Variants in SMAP1 observed in about 807,000 individuals in gnomAD.
The protein encoded by SMAP1 is stromal membrane-associated protein 1.
In SMAP1, 24 loss-of-function variants were observed where a neutral mutation model predicts 58.5. The observed-to-expected ratio is 0.41, with a 90% CI of 0.30 to 0.58. The LOEUF (loss-of-function observed/expected upper bound fraction) is 0.58, where lower values mean the gene tolerates loss of function less well. Among genes scored for constraint, SMAP1 ranks in the 20% least tolerant of loss-of-function variants. SMAP1 has a pLI of 0.29. For missense variants in SMAP1, 563 were observed against 566.3 expected (o/e 0.99, Z 0.06); for synonymous variants, 216 against 196.6 (o/e 1.10, Z -0.82).
chr6:70,689,861 T>C (rs1767085575), intron 1 of SMAP1, among the ~76,000 whole-genome samples: 1 of 152,196 alleles, frequency 6.6e-6, no homozygotes, highest in Non-Finnish European at 1.5e-5. Flanking sequence ...AATTTCTGAT[T>C]ATTACTAGTA....
chr6:70,697,358 T>C (rs1180709493), intron 1 of SMAP1, among the ~76,000 whole-genome samples: 3 of 151,562 alleles, frequency 2.0e-5, no homozygotes, highest in African/African-American at 7.3e-5. Flanking sequence ...GGGGCTGGAG[T>C]GCAGTGGTGC....
chr6:70,818,966 A>G (rs968968359), intron 6 of SMAP1, among the ~76,000 whole-genome samples: 2 of 152,138 alleles, frequency 1.3e-5, no homozygotes, highest in Non-Finnish European at 2.9e-5. Flanking sequence ...CACCGCTGTC[A>G]GTTTTAGAAC....
intron 1 of SMAP1, among the ~76,000 whole-genome samples, chr6:70,692,885 G>A (rs548652475): frequency 1.1e-4 from 16 of 152,254 alleles, no homozygotes; most frequent in African/African-American, 2.6e-4. Flanking sequence ...CCAGGTTCAC[G>A]CTGTTCTCCT....
chr6:70,717,111 C>T (rs1768306853), intron 1 of SMAP1, among the ~76,000 whole-genome samples: 1 of 152,128 alleles, frequency 6.6e-6, no homozygotes, highest in African/African-American at 2.4e-5. Context: ...TAGGGTGTGC[C>T]AAGTTCTGCC....
intron 3 of SMAP1, among the ~76,000 whole-genome samples, chr6:70,767,147 T>C (rs1419318694): frequency 6.6e-6 from 1 of 152,168 alleles, no homozygotes; most frequent in Non-Finnish European, 1.5e-5. Context: ...TTGGTTACTG[T>C]AGCCTTGTAG....
intron 6 of SMAP1, among the ~76,000 whole-genome samples, chr6:70,821,693 G>A (rs1358518385): frequency 6.6e-6 from 1 of 152,086 alleles, no homozygotes; most frequent in Non-Finnish European, 1.5e-5. Flanking sequence ...TTACTTAACA[G>A]AAAGCAATAG....
intron 6 of SMAP1, among the ~76,000 whole-genome samples, chr6:70,826,934 C>CAAAAAAAAAAAAAAAAAAA (rs61069311): frequency 5.2e-5 from 4 of 76,612 alleles, no homozygotes; most frequent in African/African-American, 2.2e-4. Flanking sequence ...AACCGTGTCT[C>CAAAAAAAAAAAAAAAAAAA]AAAAAAAAAA....
chr6:70,800,095 G>A (rs1768780262), intron 6 of SMAP1, among the ~76,000 whole-genome samples: 1 of 151,772 alleles, frequency 6.6e-6, no homozygotes, highest in African/African-American at 2.4e-5. Flanking sequence ...AATAATACAT[G>A]TGAAAATAAG....
At chr6:70,822,466 A>T (rs1471948386) in intron 6 of SMAP1, among the ~76,000 whole-genome samples, 2 of 152,158 alleles carry the variant, frequency 1.3e-5, no homozygotes, top group Admixed American at 6.5e-5. Flanking sequence ...CTGCCTTCAG[A>T]ATATGTATCC....
intron 1 of SMAP1, among the ~76,000 whole-genome samples, chr6:70,682,067 A>C (rs1766732912): frequency 6.6e-6 from 1 of 152,006 alleles, no homozygotes; most frequent in Non-Finnish European, 1.5e-5. Context: ...GTGAGAGAGT[A>C]AGATGGGTCT....
chr6:70,769,332 T>C (rs1207133811), intron 3 of SMAP1, among the ~76,000 whole-genome samples: 1 of 152,208 alleles, frequency 6.6e-6, no homozygotes, highest in Non-Finnish European at 1.5e-5. Context: ...CGTTGATCTG[T>C]CTAATGTTGA....
intron 6 of SMAP1, among the ~76,000 whole-genome samples, chr6:70,828,019 A>C (rs1770206098): frequency 6.6e-6 from 1 of 152,224 alleles, no homozygotes; most frequent in African/African-American, 2.4e-5. Context: ...TATTGGGAAT[A>C]AACAAGAATT....
chr6:70,740,739 A>G (rs552178508), intron 2 of SMAP1, among the ~76,000 whole-genome samples: 2 of 152,140 alleles, frequency 1.3e-5, no homozygotes, highest in Non-Finnish European at 2.9e-5. Flanking sequence ...CTTAATTGTT[A>G]TTGGACTGTG....
chr6:70,762,939 C>T (rs910931793), intron 3 of SMAP1, among the ~76,000 whole-genome samples: 1 of 151,826 alleles, frequency 6.6e-6, no homozygotes, highest in African/African-American at 2.4e-5. Flanking sequence ...TTCACAGCAA[C>T]ATACAGATAA....
At chr6:70,810,775 T>C (rs1769351507) in intron 6 of SMAP1, among the ~76,000 whole-genome samples, 1 of 152,126 alleles carries the variant, frequency 6.6e-6, no homozygotes, top group Non-Finnish European at 1.5e-5. Flanking sequence ...TGAGGTCTCA[T>C]TGTGTTGACC....
chr6:70,710,267 C>T (rs1434918316), intron 1 of SMAP1, among the ~76,000 whole-genome samples: 2 of 151,784 alleles, frequency 1.3e-5, no homozygotes, highest in Non-Finnish European at 2.9e-5. Flanking sequence ...CTGAGGTGGG[C>T]GGATCATGAG....
chr6:70,795,385 T>A (rs1225284602), intron 5 of SMAP1, among the ~76,000 whole-genome samples: 1 of 152,224 alleles, frequency 6.6e-6, no homozygotes, highest in Non-Finnish European at 1.5e-5. Flanking sequence ...AACAAAAATT[T>A]ACTTCTCACA....
chr6:70,847,263 C>CAAA (rs1362421834), intron 7 of SMAP1, among the ~76,000 whole-genome samples: 7 of 152,162 alleles, frequency 4.6e-5, no homozygotes. Context: ...TTACCTCTTT[C>CAAA]TAACATCTCT....
chr6:70,690,370 G>C (rs1415439668), intron 1 of SMAP1, among the ~76,000 whole-genome samples: 1 of 151,794 alleles, frequency 6.6e-6, no homozygotes, highest in East Asian at 1.9e-4. Context: ...GCAGTGGTGC[G>C]ATCTCGGCTC....
Sources: gnomAD v4.1 joint callset for allele counts (sites outside exome capture counted in the v4.1 genomes callset) on GRCh38, gnomAD v4.1.1 for gene constraint, MANE v1.5 for transcripts, NCBI Gene and HGNC (gene_info 2026-07-23, HGNC 2026-07-21) for gene names.